The following PARG variants were observed in gnomAD, a reference collection of about 807,000 sequenced individuals.
PARG encodes the protein poly(ADP-ribose) glycohydrolase.
Under a neutral mutation model 113.0 loss-of-function variants are expected in PARG, and 35 were observed. The observed-to-expected ratio is 0.31, with a 90% CI of 0.24 to 0.41. PARG has a LOEUF of 0.41. Ranked by LOEUF, PARG falls within the 10% of genes least tolerant of loss-of-function variation. PARG has a pLI of 1.00. For missense variants in PARG, 797 were observed against 1,169.4 expected (o/e 0.68, Z 4.64); for synonymous variants, 330 against 409.9 (o/e 0.81, Z 2.36).
Position 49,935,108 on chromosome 10 carries a change from G to A in PARG, c.252C>T (p.Asp84=). The change falls in exon 2 of 18, where the codon GAC becomes GAT. Residue 84 remains aspartate (D), a synonymous_variant. Coordinates refer to ENST00000616448, the MANE Select transcript of PARG (RefSeq NM_003631.5). ...ATTCCGCTGTCTTGATTCCTTTAGTGTCCATCCAACTGGTAATAGTCTTTT... is the reference window on the plus strand; with the variant it reads ...ATTCCGCTGTCTTGATTCCTTTAGTATCCATCCAACTGGTAATAGTCTTTT... ...FKQKTITSWM[D]TKGIKTAESE... is the part of the protein sequence containing the mutation. 2 of 782,578 alleles carry A rather than the reference G, an allele frequency of 2.6e-6. No individual in the cohort carries two copies. The highest frequency in any genetic ancestry group is 2.2e-6 in the Non-Finnish European group (1 of 449,516). The allele number at this position is 782,578 out of a possible 1,614,324, so 48.5% of individuals were successfully genotyped here. A position where few individuals can be genotyped will look rare whatever the true frequency, so the allele number is the denominator to read the frequency against.
intron 7 of PARG, among the ~76,000 whole-genome samples, chr10:49,907,150 C>T (rs1836895921): frequency 6.6e-6 from 1 of 152,154 alleles, no homozygotes; most frequent in Non-Finnish European, 1.5e-5. Context: ...CTGGAAATGG[C>T]CCTTGTGGCA....
At chr10:49,896,561 A>C (rs1208179334) in intron 7 of PARG, among the ~76,000 whole-genome samples, 1 of 152,196 alleles carries the variant, frequency 6.6e-6, no homozygotes, top group Non-Finnish European at 1.5e-5. Flanking sequence ...TTAGGATTAC[A>C]GGCATGAGCC....
chr10:49,819,435 G>C lies in PARG; in HGVS notation c.2836C>G (p.Pro946Ala), dbSNP rs1236158387. Residue 946 changes from proline to alanine, a missense_variant, in exon 18 of 18, where the codon CCT (proline) becomes GCT (alanine). Transcript: ENST00000616448. ...GGATAAAGCTTGATGTCTGGTCCAG[G>C]GGTGGAACAGTTTCTGCATTCTTCA... ...YNEECRNCST[P>A]GPDIKLYPFI... 1 of 1,550,120 alleles carries C rather than the reference G, an allele frequency of 6.5e-7. No homozygotes were observed. The highest frequency in any genetic ancestry group is 1.2e-5 in the South Asian group (1 of 84,038).
Position 49,843,629 on chromosome 10 carries a change from G to A in PARG, c.2357C>T (p.Thr786Ile). The A allele has an allele frequency of 6.5e-7, 1 of 1,546,766 alleles. No homozygotes were observed. Among genetic ancestry groups the A allele is most frequent in the Non-Finnish European group, 8.8e-7 (1 of 1,142,592 alleles). The stretch of plus-strand genomic sequence containing the variant: ...GCCTGTGTATTCACTGTACTGCTCA[G>A]TACCTGAAACAAACAATCTGTCACT... ...DHNECLIITG[T>I]EQYSEYTGYA... The change falls in exon 14 of 18, where the codon ACT becomes ATT. Residue 786 changes from threonine (T) to isoleucine (I), a missense_variant. Around this residue, in one of 5 missense-constraint regions of PARG, gnomAD observed 194 missense variants for 247.1 expected, o/e 0.79. Transcript: ENST00000616448.
At chr10:49,883,174 A>T (rs2573503) in intron 8 of PARG, among the ~76,000 whole-genome samples, 1 of 152,124 alleles carries the variant, frequency 6.6e-6, no homozygotes, top group African/African-American at 2.4e-5. Flanking sequence ...GCATAGTCCA[A>T]GAAGGCATTT....
chr10:49,879,934 A>C (rs1554839130), intron 8 of PARG, 104 bp from the exon 9 acceptor site: 1 of 616,242 alleles, frequency 1.6e-6, no homozygotes, highest in Non-Finnish European at 3.0e-6. Context: ...AGGCAGAAAT[A>C]ATTTCAGGCC....
intron 4 of PARG, among the ~76,000 whole-genome samples, chr10:49,931,324 C>G (rs1196232926): frequency 6.6e-6 from 1 of 152,050 alleles, no homozygotes; most frequent in African/African-American, 2.4e-5. Context: ...AGACTGCCAC[C>G]GTAGGACTAA....
In PARG at chr10:49,941,886, G is replaced by A. The variant is rs1839105697; in HGVS notation, c.-161C>T. On this transcript the variant is annotated 5_prime_UTR_variant, in exon 1 of 18. Transcript: ENST00000616448. ...AATTGCTGATCCGCCGGCCTCCCAA[G>A]TCAGGCCGTAAACACTCGCCTGCCT... 7.5e-7 allele frequency: 1 copy of A among 1,333,248 alleles called. No homozygotes were observed. The highest frequency in any genetic ancestry group is 1.0e-6 in the Non-Finnish European group (1 of 961,194). The allele number at this position is 1,333,248 out of a possible 1,614,324, so 82.6% of individuals were successfully genotyped here.
intron 13 of PARG, among the ~76,000 whole-genome samples, chr10:49,849,238 A>T (rs1437827747): frequency 2.6e-5 from 4 of 151,972 alleles, no homozygotes; most frequent in Non-Finnish European, 5.9e-5. Context: ...ACAGATTCAA[A>T]GCATTCTCAA....
chr10:49,897,754 C>G (rs769945658), intron 7 of PARG, among the ~76,000 whole-genome samples: 5 of 152,166 alleles, frequency 3.3e-5, no homozygotes, highest in Non-Finnish European at 5.9e-5. Flanking sequence ...ACACCTATAA[C>G]CCCAGTATTT....
chr10:49,850,351 G>T (rs1344678269), intron 13 of PARG, among the ~76,000 whole-genome samples: 8 of 147,000 alleles, frequency 5.4e-5, no homozygotes, highest in African/African-American at 1.8e-4. Context: ...GAAATTCAGG[G>T]TTCTTAATAA....
In PARG at chr10:49,934,141, T is replaced by G; in HGVS notation, c.307A>C (p.Asn103His). The G allele has an allele frequency of 1.8e-6, 2 of 1,110,696 alleles. No individual in the cohort carries two copies. Among genetic ancestry groups the G allele is most frequent in the East Asian group, 2.3e-5 (1 of 42,666 alleles). 68.8% of individuals were successfully genotyped at this position (1,110,696 alleles called of 1,614,324 possible). A position where few individuals can be genotyped will look rare whatever the true frequency, so the allele number is the denominator to read the frequency against. ...CTCATCATGGATTCTATTCTTGTAT[T>G]GTTGTTTTCTTTACTATCCAAACTA... The part of the protein sequence containing the change: ...SESLDSKENN[N>H]TRIESMMSSV... The change falls in exon 3 of 18, where the codon AAT becomes CAT. Residue 103 changes from asparagine (N) to histidine (H), a missense_variant. Asn to His is a moderately conservative substitution (Grantham distance 68). This residue lies in a region of PARG where 284 missense variants were observed against 306.1 expected (regional missense o/e 0.93). Transcript: ENST00000616448.
intron 8 of PARG, 78 bp downstream of exon 8, chr10:49,885,125 T>C: frequency 1.2e-6 from 1 of 804,078 alleles, no homozygotes; most frequent in Non-Finnish European, 2.3e-6. Flanking sequence ...TCTCTCTGTG[T>C]GACCCTGGCC....
intron 13 of PARG, among the ~76,000 whole-genome samples, chr10:49,849,455 T>C (rs1482196386): frequency 6.6e-6 from 1 of 150,546 alleles, no homozygotes; most frequent in Admixed American, 6.6e-5. Context: ...AAAGTCACTG[T>C]GAAGAGAATG....
intron 9 of PARG, 100 bp from the exon 10 acceptor site, chr10:49,869,655 A>T: frequency 6.4e-6 from 4 of 625,056 alleles, no homozygotes; most frequent in Non-Finnish European, 5.8e-6. Flanking sequence ...CAAAGAAATA[A>T]TTCTTCCAGA....
At chr10:49,903,930 A>C (rs1226421500) in intron 7 of PARG, among the ~76,000 whole-genome samples, 1 of 152,214 alleles carries the variant, frequency 6.6e-6, no homozygotes, top group African/African-American at 2.4e-5. Flanking sequence ...GTGTGTAAGC[A>C]GCATGAAGGA....
intron 9 of PARG, among the ~76,000 whole-genome samples, chr10:49,873,502 T>A (rs1187912419): frequency 2.6e-5 from 4 of 151,534 alleles, no homozygotes; most frequent in African/African-American, 7.3e-5. Flanking sequence ...TGAGTTTGAG[T>A]AGAAGACAGT....
At chr10:49,862,086 C>CGTGT (rs35142553) in intron 11 of PARG, among the ~76,000 whole-genome samples, 2,557 of 142,960 alleles carry the variant, frequency 0.018, 85 homozygotes, top group African/African-American at 0.052. Flanking sequence ...GTTTCATAAC[C>CGTGT]GTGTGTGTGT....
At chr10:49,856,711 G>A (rs1554835097) in intron 13 of PARG, among the ~76,000 whole-genome samples, 5 of 151,976 alleles carry the variant, frequency 3.3e-5, no homozygotes. Context: ...GCATTATTAT[G>A]TCATAAAATT....
Sources: gnomAD v4.1 joint callset for allele counts (sites outside exome capture counted in the v4.1 genomes callset) on GRCh38, gnomAD v4.1.1 for gene constraint, gnomAD v4.1.1 regional missense constraint, MANE v1.5 for transcripts, NCBI Gene and HGNC (gene_info 2026-07-23, HGNC 2026-07-21) for gene names.